SUSD4: variants seen among roughly 807,000 people sequenced by gnomAD.
SUSD4 encodes sushi domain-containing protein 4.
SUSD4 carries 41 observed loss-of-function variants against 50.5 expected under a neutral mutation model. The observed-to-expected ratio is 0.81, with a 90% CI of 0.63 to 1.05. The LOEUF is 1.05. Among genes scored for constraint, SUSD4 ranks in the 50% least tolerant of loss-of-function variants. SUSD4 has a pLI of 0.00. For synonymous variants in SUSD4, 257 were observed against 257.3 expected, an observed-to-expected ratio of 1.00 and a Z score of 0.01; for missense variants, 580 against 634.7, an observed-to-expected ratio of 0.91 and a Z score of 0.93.
At chr1:223,331,892 C>G (rs946997256) in intron 2 of SUSD4, among the ~76,000 whole-genome samples, 1 of 152,210 alleles carries the variant, frequency 6.6e-6, no homozygotes, top group Non-Finnish European at 1.5e-5. Flanking sequence ...ATGAAATGTC[C>G]AGGTTGTATT....
At chr1:223,353,527 G>T (rs1451289946) in intron 2 of SUSD4, among the ~76,000 whole-genome samples, 2 of 152,194 alleles carry the variant, frequency 1.3e-5, no homozygotes, top group African/African-American at 4.8e-5. Flanking sequence ...AAGGTTAAGG[G>T]ACCTGCTTCA....
At chr1:223,260,253 T>C (rs1558190066) in intron 5 of SUSD4, among the ~76,000 whole-genome samples, 1 of 152,190 alleles carries the variant, frequency 6.6e-6, no homozygotes, top group Non-Finnish European at 1.5e-5. Flanking sequence ...TGTAAACTCT[T>C]CAAAAGAAGG....
At chr1:223,287,010 G>A (rs1664188195) in intron 3 of SUSD4, among the ~76,000 whole-genome samples, 1 of 152,170 alleles carries the variant, frequency 6.6e-6, no homozygotes, top group African/African-American at 2.4e-5. Context: ...CTACATTGGT[G>A]GGTGACTGCT....
chr1:223,225,094 T>A (rs1659426172), intron 7 of SUSD4, among the ~76,000 whole-genome samples: 1 of 152,004 alleles, frequency 6.6e-6, no homozygotes, highest in South Asian at 2.1e-4. Context: ...GGTCTTGAAC[T>A]CCTGACCTCA....
At chr1:223,258,547 G>A (rs1661865218) in intron 5 of SUSD4, among the ~76,000 whole-genome samples, 1 of 151,924 alleles carries the variant, frequency 6.6e-6, no homozygotes, top group Non-Finnish European at 1.5e-5. Context: ...GGGCATTCTG[G>A]GTTTGGGGAC....
chr1:223,285,093 T>C (rs777544372), intron 3 of SUSD4, among the ~76,000 whole-genome samples: 2 of 152,222 alleles, frequency 1.3e-5, no homozygotes, highest in Non-Finnish European at 2.9e-5. Context: ...ATTACACATA[T>C]ATGTATTAAA....
intron 2 of SUSD4, among the ~76,000 whole-genome samples, chr1:223,350,993 C>A (rs1668330045): frequency 6.6e-6 from 1 of 152,128 alleles, no homozygotes; most frequent in African/African-American, 2.4e-5. Context: ...ATGAAGATAC[C>A]AATATTTATT....
At chr1:223,326,271 A>T (rs980372047) in intron 2 of SUSD4, among the ~76,000 whole-genome samples, 1 of 152,352 alleles carries the variant, frequency 6.6e-6, no homozygotes, top group East Asian at 1.9e-4. Context: ...TATTTAGTAA[A>T]TGATGCTGGA....
At chr1:223,318,429 C>T (rs1187748759) in intron 2 of SUSD4, among the ~76,000 whole-genome samples, 67 of 75,610 alleles carry the variant, frequency 8.9e-4, no homozygotes, top group Non-Finnish European at 1.3e-3. Flanking sequence ...TGAGGAATCG[C>T]CACGCTGACT....
At chr1:223,230,047 C>T (rs762097146) in intron 5 of SUSD4, among the ~76,000 whole-genome samples, 7 of 152,220 alleles carry the variant, frequency 4.6e-5, no homozygotes, top group Non-Finnish European at 8.8e-5. Flanking sequence ...CTTGATTTTT[C>T]TCCTCTGTCA....
intron 5 of SUSD4, among the ~76,000 whole-genome samples, chr1:223,242,936 A>C (rs952182892): frequency 1.3e-5 from 2 of 152,182 alleles, no homozygotes; most frequent in African/African-American, 4.8e-5. Flanking sequence ...TCCCACTTGT[A>C]GGTTAGGCAA....
intron 2 of SUSD4, among the ~76,000 whole-genome samples, chr1:223,298,609 C>A (rs1664988728): frequency 6.6e-6 from 1 of 152,106 alleles, no homozygotes; most frequent in Non-Finnish European, 1.5e-5. Flanking sequence ...GGTACAGAAC[C>A]CTCAGATGGT....
chr1:223,349,266 A>G (rs1357013646), intron 2 of SUSD4, among the ~76,000 whole-genome samples: 1 of 152,202 alleles, frequency 6.6e-6, no homozygotes, highest in African/African-American at 2.4e-5. Flanking sequence ...AAATATATAT[A>G]TATGTGATGG....
intron 2 of SUSD4, among the ~76,000 whole-genome samples, chr1:223,320,414 C>CGGAG: frequency 6.6e-6 from 1 of 152,100 alleles, no homozygotes; most frequent in Non-Finnish European, 1.5e-5. Flanking sequence ...GGACACTAGG[C>CGGAG]GCTCCCTCTG....
At chr1:223,249,260 G>T (rs539506146) in intron 5 of SUSD4, among the ~76,000 whole-genome samples, 13 of 152,126 alleles carry the variant, frequency 8.5e-5, no homozygotes, top group Admixed American at 4.6e-4. Context: ...AAAATGGAGC[G>T]TGTGTCCCAC....
chr1:223,355,695 G>A (rs1387768811), intron 2 of SUSD4, among the ~76,000 whole-genome samples: 1 of 152,102 alleles, frequency 6.6e-6, no homozygotes, highest in Non-Finnish European at 1.5e-5. Context: ...CCACTTCCAC[G>A]GTGGTAATTC....
intron 2 of SUSD4, among the ~76,000 whole-genome samples, chr1:223,297,431 AC>A (rs1224990349): frequency 1.3e-5 from 2 of 152,232 alleles, no homozygotes; most frequent in Non-Finnish European, 2.9e-5. Context: ...GTGGATGAGG[AC>A]AAGTGACGGA....
At chr1:223,224,857 TCTTC>T in intron 7 of SUSD4, among the ~76,000 whole-genome samples, 1 of 140,320 alleles carries the variant, frequency 7.1e-6, no homozygotes, top group African/African-American at 2.8e-5. Context: ...GAACTTGGTT[TCTTC>T]CTTTTTTTTT....
At chr1:223,298,042 A>G (rs1220027567) in intron 2 of SUSD4, among the ~76,000 whole-genome samples, 1 of 151,996 alleles carries the variant, frequency 6.6e-6, no homozygotes, top group Non-Finnish European at 1.5e-5. Flanking sequence ...GGATGGATGA[A>G]TGGGTGGATG....
Sources: allele counts gnomAD v4.1 joint callset (sites outside exome capture counted in the v4.1 genomes callset), GRCh38; gene constraint gnomAD v4.1.1; transcripts MANE v1.5; gene names NCBI Gene and HGNC (gene_info 2026-07-23, HGNC 2026-07-21).